Variants in ERG observed in about 807,000 individuals in gnomAD.
ERG encodes transcriptional regulator ERG.
Under a neutral mutation model 55.3 loss-of-function variants are expected in ERG, and 9 were observed. The observed-to-expected ratio is 0.16, with a 90% CI of 0.10 to 0.28. ERG has a LOEUF of 0.28. Among genes scored for constraint, ERG ranks in the 10% least tolerant of loss-of-function variants. The pLI, the probability that ERG is intolerant of heterozygous loss-of-function variation, is 1.00. For synonymous variants in ERG, 223 were observed against 237.3 expected, an observed-to-expected ratio of 0.94 and a Z score of 0.55; for missense variants, 434 against 631.6, an observed-to-expected ratio of 0.69 and a Z score of 3.35.
At chr21:38,398,213 C>T (rs946193924) in intron 6 of ERG, among the ~76,000 whole-genome samples, 4 of 152,154 alleles carry the variant, frequency 2.6e-5, no homozygotes, top group South Asian at 2.1e-4. Context: ...GCCATCACGA[C>T]GTTCATTCTC....
rs72247853 is a variant in ERG at position 38,473,426 on chromosome 21, C to CAT, written c.18+24935_18+24936dup. Among the ~76,000 whole-genome samples the CAT allele has an allele frequency of 7.2e-3, 1,077 of 148,742 alleles. 12 individuals carry two copies. The highest frequency in any genetic ancestry group is 0.019 in the African/African-American group (765 of 40,724). ...GACCTTGCATTCAATTATATATATA[C>CAT]ATATATATATATATACAAAGCTGTT... On this transcript the variant is annotated intron_variant, in intron 1 of 9. Transcript: ENST00000288319.
At chr21:38,486,845 G>C (rs983447153) in intron 1 of ERG, among the ~76,000 whole-genome samples, 2 of 152,090 alleles carry the variant, frequency 1.3e-5, no homozygotes, top group African/African-American at 4.8e-5. Context: ...CAGCATGCCT[G>C]GTCTGCAATT....
intron 2 of ERG, among the ~76,000 whole-genome samples, chr21:38,551,816 T>C (rs2059826217): frequency 6.6e-6 from 1 of 152,172 alleles, no homozygotes; most frequent in South Asian, 2.1e-4. Flanking sequence ...GCATATTGTG[T>C]CGTTGTTGGG....
At chr21:38,426,504 A>C (rs1288164800) in intron 2 of ERG, among the ~76,000 whole-genome samples, 1 of 152,244 alleles carries the variant, frequency 6.6e-6, no homozygotes, top group Non-Finnish European at 1.5e-5. Flanking sequence ...ACCTTTGTTC[A>C]GATTCAATCA....
At chr21:38,492,891 T>C (rs951907824) in intron 1 of ERG, among the ~76,000 whole-genome samples, 1 of 152,130 alleles carries the variant, frequency 6.6e-6, no homozygotes, top group Non-Finnish European at 1.5e-5. Flanking sequence ...CAAAAAAATG[T>C]AATGAAATAC....
intron 2 of ERG, among the ~76,000 whole-genome samples, chr21:38,515,741 T>C (rs2059546930): frequency 6.6e-6 from 1 of 152,032 alleles, no homozygotes; most frequent in African/African-American, 2.4e-5. Context: ...ATCAACAAAA[T>C]ATTAGTAGCC....
At chr21:38,599,122 G>A (rs1359864013) in intron 1 of ERG, among the ~76,000 whole-genome samples, 1 of 152,216 alleles carries the variant, frequency 6.6e-6, no homozygotes, top group African/African-American at 2.4e-5. Flanking sequence ...TCCAGGTAGA[G>A]AAGTTTGCAG....
At chr21:38,619,693 T>C (rs984719348) in intron 1 of ERG, among the ~76,000 whole-genome samples, 20 of 152,264 alleles carry the variant, frequency 1.3e-4, no homozygotes, top group Non-Finnish European at 1.5e-4. Flanking sequence ...CTTCATAAAT[T>C]AGCTAGTCAG....
chr21:38,433,302 G>A (rs1205313799), intron 2 of ERG, among the ~76,000 whole-genome samples: 2 of 152,170 alleles, frequency 1.3e-5, no homozygotes, highest in African/African-American at 2.4e-5. Context: ...AAAGATGGAG[G>A]TGAGGACCAG....
intron 1 of ERG, among the ~76,000 whole-genome samples, chr21:38,612,981 C>T (rs2060236994): frequency 6.6e-6 from 1 of 152,140 alleles, no homozygotes; most frequent in South Asian, 2.1e-4. Flanking sequence ...CATTTCTAAG[C>T]AGTAGATATT....
chr21:38,612,889 C>G (rs931626030), intron 1 of ERG, among the ~76,000 whole-genome samples: 54 of 152,098 alleles, frequency 3.6e-4, no homozygotes, highest in African/African-American at 1.3e-3. Context: ...TCTCGATCTC[C>G]TGACCTCGTG....
intron 2 of ERG, among the ~76,000 whole-genome samples, chr21:38,428,189 AAC>A (rs1989926426): frequency 1.3e-5 from 2 of 151,814 alleles, no homozygotes; most frequent in African/African-American, 4.8e-5. Flanking sequence ...TCAAAAAAAA[AAC>A]AAAAGAGAGA....
chr21:38,569,203 T>C (rs2059942336), intron 2 of ERG, among the ~76,000 whole-genome samples: 1 of 152,220 alleles, frequency 6.6e-6, no homozygotes, highest in Non-Finnish European at 1.5e-5. Context: ...CATGGAAGGT[T>C]TGCTAAATGT....
rs1374805371 is a variant in ERG, at chr21:38,468,714, G to A, written c.19-23093C>T. Among the ~76,000 whole-genome samples, 3 of 152,108 alleles carry A rather than the reference G, an allele frequency of 2.0e-5. No individual in the cohort carries two copies. The East Asian group carries it at 5.8e-4, about 29-fold the overall frequency. The stretch of plus-strand genomic sequence containing the variant: ...TGAAAATGTGGCTTCTGCCGGGTGC[G>A]GTGGCTCACGCCTGTAATCCCAGCA... On this transcript the variant is annotated intron_variant, in intron 1 of 9. Transcript: ENST00000288319.
At chr21:38,630,406 A>G (rs1477433969) in intron 1 of ERG, among the ~76,000 whole-genome samples, 2 of 152,066 alleles carry the variant, frequency 1.3e-5, no homozygotes, top group Non-Finnish European at 2.9e-5. Flanking sequence ...CCTCTTTATG[A>G]TCCAACATGG....
chr21:38,651,364 A>C (rs2060487783), intron 1 of ERG, among the ~76,000 whole-genome samples: 1 of 152,202 alleles, frequency 6.6e-6, no homozygotes, highest in Non-Finnish European at 1.5e-5. Flanking sequence ...TGAATTCCTA[A>C]GCTAAACATT....
intron 2 of ERG, among the ~76,000 whole-genome samples, chr21:38,440,723 A>G (rs1476747192): frequency 7.8e-5 from 11 of 140,766 alleles, no homozygotes; most frequent in Non-Finnish European, 1.5e-5. Flanking sequence ...CGGGAGGCAG[A>G]GGTTGCAGTG....
chr21:38,467,971 T>C (rs1187796163), intron 1 of ERG, among the ~76,000 whole-genome samples: 1 of 152,252 alleles, frequency 6.6e-6, no homozygotes, highest in Non-Finnish European at 1.5e-5. Context: ...GGGAGATATG[T>C]AAGCCTTTGT....
chr21:38,480,062 G>A (rs1165671032), intron 1 of ERG, among the ~76,000 whole-genome samples: 1 of 152,058 alleles, frequency 6.6e-6, no homozygotes, highest in Non-Finnish European at 1.5e-5. Flanking sequence ...CGTGACAGTC[G>A]ATCCCATAAC....
Sources: allele counts gnomAD v4.1 joint callset (sites outside exome capture counted in the v4.1 genomes callset), GRCh38; gene constraint gnomAD v4.1.1; transcripts MANE v1.5; gene names NCBI Gene and HGNC (gene_info 2026-07-23, HGNC 2026-07-21).